ACBD6: variants seen among roughly 807,000 people sequenced by gnomAD.
ACBD6 encodes acyl-CoA binding domain containing 6, also known as acyl-CoA-binding domain-containing protein 6.
Under a neutral mutation model 37.2 loss-of-function variants are expected in ACBD6, and 28 were observed. That is an observed-to-expected ratio of 0.75 (90% confidence interval 0.56 to 1.03). The LOEUF (loss-of-function observed/expected upper bound fraction) is 1.03. ACBD6 is among the 50% of genes least tolerant of loss of function. The pLI, the probability that ACBD6 is intolerant of heterozygous loss-of-function variation, is 0.00. For synonymous variants in ACBD6, 113 were observed against 126.8 expected (o/e 0.89, Z 0.73); for missense variants, 340 against 337.4 (o/e 1.01, Z -0.06).
intron 5 of ACBD6, among the ~76,000 whole-genome samples, chr1:180,401,230 G>GA (rs1454360975): frequency 6.6e-6 from 1 of 152,154 alleles, no homozygotes; most frequent in African/African-American, 2.4e-5. Context: ...GATGCAGGGA[G>GA]AAAAAGAGTT....
At chr1:180,318,893 T>G (rs190835911) in intron 6 of ACBD6, among the ~76,000 whole-genome samples, 1 of 152,378 alleles carries the variant, frequency 6.6e-6, no homozygotes, top group African/African-American at 2.4e-5. Flanking sequence ...ATTTTAAAGC[T>G]TCCTATTTTG....
chr1:180,320,277 T>C (rs1056425951), intron 6 of ACBD6, among the ~76,000 whole-genome samples: 3 of 152,248 alleles, frequency 2.0e-5, no homozygotes. Context: ...CCTTTTCATA[T>C]AACTGATTGC....
downstream of ACBD6, among the ~76,000 whole-genome samples, chr1:180,284,942 A>T (rs1196167910): frequency 6.6e-6 from 1 of 152,044 alleles, no homozygotes; most frequent in Non-Finnish European, 1.5e-5. Context: ...ACTTAAGACC[A>T]GGAGTTCTAG....
chr1:180,325,530 T>C (rs961885738), intron 6 of ACBD6, among the ~76,000 whole-genome samples: 6 of 152,228 alleles, frequency 3.9e-5, no homozygotes, highest in Non-Finnish European at 7.3e-5. Flanking sequence ...TTGAATTCTC[T>C]GAAAGGTTGC....
intron 3 of ACBD6, among the ~76,000 whole-genome samples, chr1:180,486,435 A>G (rs1310449192): frequency 1.3e-5 from 2 of 152,242 alleles, no homozygotes; most frequent in Non-Finnish European, 2.9e-5. Context: ...AGCATCTAAG[A>G]AACAGTAACA....
chr1:180,297,956 G>C (rs1284438985), intron 7 of ACBD6, among the ~76,000 whole-genome samples: 3 of 152,136 alleles, frequency 2.0e-5, no homozygotes, highest in African/African-American at 4.8e-5. Context: ...TGTTGGCCAG[G>C]CTGGTCTCAA....
At chr1:180,270,282 TGAATG>T (rs773159054) in exon 14 of ACBD6, 3 of 152,216 alleles carry the variant, frequency 2.0e-5, no homozygotes, top group Non-Finnish European at 2.9e-5. Context: ...AGGGTTTTCT[TGAATG>T]GAAAGAAAGG....
chr1:180,335,224 T>C (rs993330651), intron 6 of ACBD6, among the ~76,000 whole-genome samples: 2 of 151,692 alleles, frequency 1.3e-5, no homozygotes, highest in African/African-American at 2.4e-5. Flanking sequence ...TTCACCAAAG[T>C]TGAAATGAAG....
chr1:180,313,683 GC>G lies in ACBD6; in HGVS notation c.694+1008del, dbSNP rs1650681395. ...AATACCGATGGCTGTCTTTCATTCA[GC>G]CATATTCACACCCAAATAGAATCTT... On this transcript the variant is annotated intron_variant, in intron 7 of 7. Coordinates refer to ENST00000367595, the MANE Select transcript of ACBD6 (RefSeq NM_032360.4). 2.0e-5 allele frequency among the ~76,000 whole-genome samples: 3 copies of G among 152,182 alleles called. No homozygotes were observed. The South Asian group carries it at 6.2e-4, about 32-fold the overall frequency.
intron 6 of ACBD6, among the ~76,000 whole-genome samples, chr1:180,377,291 C>T (rs960092458): frequency 1.3e-5 from 2 of 152,150 alleles, no homozygotes; most frequent in Non-Finnish European, 2.9e-5. Flanking sequence ...AGTATGTGTA[C>T]TTGCATGGAT....
At chr1:180,494,163 T>C (rs939641504) in intron 2 of ACBD6, among the ~76,000 whole-genome samples, 6 of 152,168 alleles carry the variant, frequency 3.9e-5, no homozygotes, top group Admixed American at 3.9e-4. Flanking sequence ...AACAAAAATT[T>C]TCCTCAATAG....
chr1:180,312,678 T>C (rs571734397), intron 7 of ACBD6, among the ~76,000 whole-genome samples: 110 of 152,310 alleles, frequency 7.2e-4, no homozygotes, highest in Non-Finnish European at 1.4e-3. Context: ...TTGCTCTGGG[T>C]TTTTGATGAG....
chr1:180,494,357 C>T (rs1345865353), intron 2 of ACBD6, among the ~76,000 whole-genome samples: 1 of 152,064 alleles, frequency 6.6e-6, no homozygotes. Flanking sequence ...TAACAAAAAA[C>T]TCACTGTCAA....
intron 6 of ACBD6, among the ~76,000 whole-genome samples, chr1:180,350,788 T>C (rs906096688): frequency 1.3e-5 from 2 of 152,212 alleles, no homozygotes; most frequent in Non-Finnish European, 2.9e-5. Context: ...TTTTTTCCTA[T>C]TACCTCTTCC....
At chr1:180,316,353 CAT>C (rs1481976533) in intron 6 of ACBD6, among the ~76,000 whole-genome samples, 8 of 151,692 alleles carry the variant, frequency 5.3e-5, no homozygotes, top group Admixed American at 3.9e-4. Flanking sequence ...CACACACACA[CAT>C]ACATGCAAAC....
intron 3 of ACBD6, among the ~76,000 whole-genome samples, chr1:180,466,793 T>G (rs559807276): frequency 1.3e-5 from 2 of 152,106 alleles, no homozygotes; most frequent in Non-Finnish European, 2.9e-5. Flanking sequence ...TTTCTAGGCT[T>G]TGGTTCCCTG....
intron 6 of ACBD6, among the ~76,000 whole-genome samples, chr1:180,333,503 C>A (rs1651569266): frequency 6.6e-6 from 1 of 152,176 alleles, no homozygotes; most frequent in Admixed American, 6.5e-5. Flanking sequence ...ATAAATGATT[C>A]ATAGATTTAT....
intron 3 of ACBD6, among the ~76,000 whole-genome samples, chr1:180,458,653 C>T (rs887302995): frequency 1.5e-4 from 22 of 151,686 alleles, no homozygotes; most frequent in African/African-American, 4.8e-4. Flanking sequence ...CAGAAAACAG[C>T]GTGAGTTAAA....
chr1:180,446,785 A>G (rs561407094), intron 3 of ACBD6, among the ~76,000 whole-genome samples: 2 of 152,316 alleles, frequency 1.3e-5, no homozygotes, highest in African/African-American at 4.8e-5. Flanking sequence ...TCATGCCTGT[A>G]ATCCTAGCAC....
Sources: allele counts gnomAD v4.1 joint callset (sites outside exome capture counted in the v4.1 genomes callset), GRCh38; gene constraint gnomAD v4.1.1; transcripts MANE v1.5; gene names NCBI Gene and HGNC (gene_info 2026-07-23, HGNC 2026-07-21).